Variants in ZBTB16 observed in about 807,000 individuals in gnomAD.
ZBTB16 encodes zinc finger and BTB domain containing 16.
In ZBTB16, 8 loss-of-function variants were observed where a neutral mutation model predicts 56.8. That is an observed-to-expected ratio of 0.14 (90% confidence interval 0.08 to 0.25). The LOEUF (loss-of-function observed/expected upper bound fraction) is 0.25. Ranked by LOEUF, ZBTB16 falls within the 10% of genes least tolerant of loss-of-function variation. The pLI is 1.00. For missense variants in ZBTB16, 625 were observed against 903.0 expected (o/e 0.69, Z 3.95); for synonymous variants, 363 against 368.5 (o/e 0.98, Z 0.17).
chr11:114,158,265 G>A (rs779895189), intron 3 of ZBTB16, among the ~76,000 whole-genome samples: 8 of 152,276 alleles, frequency 5.3e-5, no homozygotes, highest in East Asian at 1.9e-4. Context: ...TTGGTAAAGC[G>A]TCTTTGCCCT....
At chr11:114,155,089 A>G (rs76490026) in intron 2 of ZBTB16, among the ~76,000 whole-genome samples, 2,648 of 152,298 alleles carry the variant, frequency 0.017, 87 homozygotes, top group African/African-American at 0.059. Context: ...ATCTGTTGTC[A>G]GTACCAGCTC....
chr11:114,152,620 T>C lies in ZBTB16; in HGVS notation c.1269-3717T>C, dbSNP rs148766040. On this transcript the variant is annotated intron_variant, in intron 2 of 6. Coordinates refer to ENST00000335953, the MANE Select transcript of ZBTB16 (RefSeq NM_006006.6). ...TCCCCAGGAATGGAGAGTGAGGACC[T>C]GAAGCATATGGGGCAATGGAATCTC... Among the ~76,000 whole-genome samples the C allele has an allele frequency of 1.9e-4, 29 of 152,314 alleles. No individual in the cohort carries two copies. In the East Asian group the frequency reaches 5.6e-3, roughly 29 times the overall value.
chr11:114,242,283 A>C lies in ZBTB16; in HGVS notation c.1570A>C (p.Asn524His). The C allele has an allele frequency of 1.9e-6, 3 of 1,614,094 alleles. No homozygotes were observed. Among genetic ancestry groups the C allele is most frequent in the South Asian group, 2.2e-5 (2 of 91,090 alleles). ...GCGCAGCTACATCTGCAGTGAGTGC[A>C]ACCGCACCTTCCCCAGCCACACGGC... ...GVRSYICSEC[N>H]RTFPSHTALK... Residue 524 changes from asparagine to histidine, a missense_variant, in exon 5 of 7, where the codon AAC becomes CAC. By Grantham distance (68) the Asn-to-His change is moderately conservative (BLOSUM62 1). Coordinates refer to ENST00000335953, the MANE Select transcript of ZBTB16 (RefSeq NM_006006.6).
At chr11:114,082,628 T>C (rs1324108324) in intron 2 of ZBTB16, among the ~76,000 whole-genome samples, 3 of 152,098 alleles carry the variant, frequency 2.0e-5, no homozygotes, top group African/African-American at 7.2e-5. Flanking sequence ...AAAAGGAGTT[T>C]AGTGCGTGAT....
intron 2 of ZBTB16, among the ~76,000 whole-genome samples, chr11:114,135,714 G>C (rs545123838): frequency 3.9e-5 from 6 of 152,296 alleles, no homozygotes; most frequent in African/African-American, 1.4e-4. Context: ...AAGCCACTCA[G>C]TTTATCGTAA....
chr11:114,168,860 C>T (rs1322951162), intron 3 of ZBTB16, among the ~76,000 whole-genome samples: 2 of 152,164 alleles, frequency 1.3e-5, no homozygotes, highest in African/African-American at 4.8e-5. Flanking sequence ...ACCTGTGCCA[C>T]CAGGAGCAGG....
intron 2 of ZBTB16, among the ~76,000 whole-genome samples, chr11:114,120,847 A>T (rs1268629682): frequency 6.6e-6 from 1 of 151,952 alleles, no homozygotes; most frequent in Admixed American, 6.6e-5. Flanking sequence ...GGGGAAGGAG[A>T]GCAGGGCAGC....
chr11:114,240,840 C>T (rs980259546), intron 4 of ZBTB16, among the ~76,000 whole-genome samples: 2 of 152,210 alleles, frequency 1.3e-5, no homozygotes, highest in African/African-American at 2.4e-5. Flanking sequence ...TCACATCACT[C>T]GCTAGCTTTC....
chr11:114,097,578 A>AT (rs1308988389), intron 2 of ZBTB16, among the ~76,000 whole-genome samples: 5 of 152,020 alleles, frequency 3.3e-5, no homozygotes, highest in African/African-American at 1.2e-4. Context: ...CCTCTGCTAA[A>AT]TTTTTTTTAA....
chr11:114,227,047 A>G (rs1003208361), intron 4 of ZBTB16, among the ~76,000 whole-genome samples: 7 of 152,070 alleles, frequency 4.6e-5, no homozygotes, highest in Non-Finnish European at 8.8e-5. Context: ...AAGCCTATAA[A>G]TTTACTGTCC....
intron 4 of ZBTB16, among the ~76,000 whole-genome samples, chr11:114,234,572 C>T (rs1279450564): frequency 1.3e-5 from 2 of 152,118 alleles, no homozygotes; most frequent in Non-Finnish European, 2.9e-5. Context: ...AACTCATGCC[C>T]AAGAGGAAAA....
In ZBTB16 at chr11:114,063,491, A is replaced by G. The variant is rs1938966053; in HGVS notation, c.191A>G (p.His64Arg). 1 of 1,614,040 alleles carries G rather than the reference A, an allele frequency of 6.2e-7. No individual in the cohort carries two copies. The highest frequency in any genetic ancestry group is 1.3e-5 in the African/African-American group (1 of 74,916). ...AGCAAGATGTTTGAGATCCTCTTCC[A>G]CCGCAATAGTCAACACTATACTTTG... The part of the protein sequence containing the change: ...CTSKMFEILF[H>R]RNSQHYTLDF... Residue 64 changes from histidine (H) to arginine (R), a missense_variant, in exon 2 of 7, where the codon CAC becomes CGC. His to Arg is a conservative substitution (Grantham distance 29, BLOSUM62 0). Transcript: ENST00000335953. The surrounding 1 kb of genome is among the most constrained non-coding windows in gnomAD (Gnocchi z 6.5).
At chr11:114,247,034 T>G in intron 5 of ZBTB16, 164 bp from the exon 6 acceptor site, 1 of 798,828 alleles carries the variant, frequency 1.3e-6, no homozygotes, top group Non-Finnish European at 2.1e-6. Flanking sequence ...AAGACAGGTA[T>G]TGCTTGTTTA....
rs1050159046 is a variant in ZBTB16, at chr11:114,059,809, C to T, written c.-164C>T. On this transcript the variant is annotated 5_prime_UTR_variant, in exon 1 of 7. Coordinates refer to ENST00000335953, the MANE Select transcript of ZBTB16 (RefSeq NM_006006.6). This position sits in a 1 kb window ranked among gnomAD's most constrained non-coding sequence, Gnocchi z 5.3. ...ACGGAGAGCAACAGTTCCCCAGCAA[C>T]ACCCCTCCCCGACACAGGCACACAC... 3 of 398,230 alleles carry T rather than the reference C, an allele frequency of 7.5e-6. No homozygotes were observed. Among genetic ancestry groups the T allele is most frequent in the Admixed American group, 4.4e-5 (1 of 22,706 alleles). 24.7% of individuals were successfully genotyped at this position (398,230 alleles called of 1,614,324 possible).
In ZBTB16 at chr11:114,083,305, A is replaced by G. The variant is rs139894142; in HGVS notation, c.1268+18737A>G. Among the ~76,000 whole-genome samples the G allele has an allele frequency of 7.2e-5, 11 of 152,368 alleles. No individual in the cohort carries two copies. In the East Asian group the frequency reaches 1.9e-3, roughly 27 times the overall value. ...TAACCCAAAACCAAATAAAACAAAC[A>G]GTTCCTAAATATAAATTAAACTTCA... On this transcript the variant is annotated intron_variant, in intron 2 of 6. Transcript: ENST00000335953.
In ZBTB16 at chr11:114,255,571, C is replaced by T. The variant is rs1018053828; in HGVS notation, c.*5016C>T. On this transcript the variant is annotated 3_prime_UTR_variant, in exon 7 of 7. Coordinates refer to ENST00000335953, the MANE Select transcript of ZBTB16 (RefSeq NM_006006.6). Reference sequence around the variant, plus strand: ...CTGCCCCCTCCCCAGCCCACTTCCCCGAGTTGTGCTTGCCGCTCCTTATCT... The same window carrying T: ...CTGCCCCCTCCCCAGCCCACTTCCCTGAGTTGTGCTTGCCGCTCCTTATCT... Among the ~76,000 whole-genome samples the T allele has an allele frequency of 1.3e-5, 2 of 152,010 alleles. No individual in the cohort carries two copies. Among genetic ancestry groups the T allele is most frequent in the South Asian group, 2.1e-4 (1 of 4,804 alleles).
At chr11:114,067,830 C>A (rs963919772) in intron 2 of ZBTB16, among the ~76,000 whole-genome samples, 1 of 152,052 alleles carries the variant, frequency 6.6e-6, no homozygotes, top group Admixed American at 6.6e-5. Context: ...AGAAAATAAT[C>A]CTGCGTGTGC....
chr11:114,216,103 C>A (rs1368159326), intron 4 of ZBTB16, among the ~76,000 whole-genome samples: 1 of 152,188 alleles, frequency 6.6e-6, no homozygotes, highest in Non-Finnish European at 1.5e-5. Flanking sequence ...CAGCTCTGAG[C>A]GAACCTTTCC....
At chr11:114,115,243 G>A (rs1037611002) in intron 2 of ZBTB16, among the ~76,000 whole-genome samples, 6 of 151,852 alleles carry the variant, frequency 4.0e-5, no homozygotes, top group South Asian at 4.2e-4. Flanking sequence ...GACGGTGTAT[G>A]TCCTCCAGCA....
Sources: allele counts gnomAD v4.1 joint callset (sites outside exome capture counted in the v4.1 genomes callset), GRCh38; gene constraint gnomAD v4.1.1; non-coding constraint Gnocchi (gnomAD v3.1); transcripts MANE v1.5; gene names NCBI Gene and HGNC (gene_info 2026-07-23, HGNC 2026-07-21).